Variants in MBLAC2 observed in about 807,000 individuals in gnomAD.
The protein encoded by MBLAC2 is metallo-beta-lactamase domain containing 2, also known as acyl-coenzyme A thioesterase MBLAC2.
Under a neutral mutation model 23.3 loss-of-function variants are expected in MBLAC2, and 24 were observed. The observed-to-expected ratio is 1.03, with a 90% CI of 0.75 to 1.45. The LOEUF (loss-of-function observed/expected upper bound fraction) is 1.45, where lower values mean the gene tolerates loss of function less well. MBLAC2 is among the 40% of genes most tolerant of loss of function. The pLI is 0.00. For synonymous variants in MBLAC2, 162 were observed against 150.9 expected, an observed-to-expected ratio of 1.07 and a Z score of -0.54; for missense variants, 358 against 370.0, an observed-to-expected ratio of 0.97 and a Z score of 0.27.
At chr5:90,473,430 T>C (rs1180802798) in intron 1 of MBLAC2, 3 of 519,658 alleles carry the variant, frequency 5.8e-6, no homozygotes, top group Non-Finnish European at 1.0e-5. Flanking sequence ...TGACATGCAC[T>C]CTCCGTGAGG....
intron 1 of MBLAC2, among the ~76,000 whole-genome samples, chr5:90,470,754 GCGCACACACA>G (rs1053347025): frequency 5.3e-5 from 6 of 112,528 alleles, no homozygotes; most frequent in East Asian, 3.4e-4. Context: ...ACTAGCGCGC[GCGCACACACA>G]CACACACACA....
chr5:90,462,896 T>C (rs1750388086), intron 1 of MBLAC2, among the ~76,000 whole-genome samples: 2 of 152,336 alleles, frequency 1.3e-5, no homozygotes, highest in South Asian at 2.1e-4. Flanking sequence ...TAAAACACTT[T>C]ACTCCAAAAC....
At position 90,474,448 on chromosome 5, in the gene MBLAC2, TAGG is replaced by T. The variant is rs1476262796; in HGVS notation, c.-159_-157del. On this transcript the variant is annotated 5_prime_UTR_variant, in exon 1 of 2. Coordinates refer to ENST00000316610, the MANE Select transcript of MBLAC2 (RefSeq NM_203406.2). ...GGGGCGTGGGATGCGGGGGTCGGAA[TAGG>T]AGGAGGAAGGACGCAGACCGACGCT... 4.4e-6 allele frequency: 3 copies of T among 678,826 alleles called. No individual in the cohort carries two copies. Among genetic ancestry groups the T allele is most frequent in the Admixed American group, 2.8e-5 (1 of 35,308 alleles). 42.1% of individuals were successfully genotyped at this position (678,826 alleles called of 1,614,324 possible). A position where few individuals can be genotyped will look rare whatever the true frequency, so the allele number is the denominator to read the frequency against.
chr5:90,474,586 G>T lies in MBLAC2; in HGVS notation c.-294C>A. On this transcript the variant is annotated 5_prime_UTR_variant, in exon 1 of 2. Coordinates refer to ENST00000316610, the MANE Select transcript of MBLAC2 (RefSeq NM_203406.2). Reference sequence around the variant, plus strand: ...CGCAGCCTCGGCAGCCGCACCACGAGAGAGCTTTAACGCAGGGGCCACTGC... The same window carrying T: ...CGCAGCCTCGGCAGCCGCACCACGATAGAGCTTTAACGCAGGGGCCACTGC... 1 of 448,968 alleles carries T rather than the reference G, an allele frequency of 2.2e-6. No individual in the cohort carries two copies. Among genetic ancestry groups the T allele is most frequent in the Non-Finnish European group, 4.0e-6 (1 of 248,206 alleles). The allele number at this position is 448,968 out of a possible 1,614,324, so 27.8% of individuals were successfully genotyped here. A position where few individuals can be genotyped will look rare whatever the true frequency, so the allele number is the denominator to read the frequency against.
rs1750641727 is a variant in MBLAC2, at chr5:90,474,087, T to C, written c.206A>G (p.Lys69Arg). ...CAGTGGCCGGCGCGCCGCGTCCTCT[T>C]TGGCCTCTCGGTCCTGCAAGAGGCC... ...SSGLLQDREAKEDAARRPLLA... is the reference protein window; with the variant it reads ...SSGLLQDREAREDAARRPLLA... The change falls in exon 1 of 2, where the codon AAA (lysine) becomes AGA (arginine). Residue 69 changes from lysine (K) to arginine (R), a missense_variant. Transcript: ENST00000316610. The C allele has an allele frequency of 6.3e-7, 1 of 1,575,174 alleles. No individual in the cohort carries two copies. Among genetic ancestry groups the C allele is most frequent in the Non-Finnish European group, 8.6e-7 (1 of 1,160,492 alleles).
At chr5:90,471,624 T>C (rs1227726367) in intron 1 of MBLAC2, 1 of 152,170 alleles carries the variant, frequency 6.6e-6, no homozygotes, top group Non-Finnish European at 1.5e-5. Context: ...ATCAATTCAT[T>C]AAAGGAAATG....
Position 90,459,653 on chromosome 5 carries a change from T to C in MBLAC2, c.*1514A>G, listed in dbSNP as rs1750327553. The C allele has an allele frequency of 6.6e-6, 1 of 152,158 alleles. No individual in the cohort carries two copies. Among genetic ancestry groups the C allele is most frequent in the Non-Finnish European group, 1.5e-5 (1 of 67,986 alleles). 9.4% of individuals were successfully genotyped at this position (152,158 alleles called of 1,614,324 possible). A position where few individuals can be genotyped will look rare whatever the true frequency, so the allele number is the denominator to read the frequency against. ...TAACTTGCATACACTATTATTTATA[T>C]TTTGTGTGCTTTCGACTTTTAGTTA... On this transcript the variant is annotated 3_prime_UTR_variant, in exon 2 of 2. Coordinates refer to ENST00000316610, the MANE Select transcript of MBLAC2 (RefSeq NM_203406.2).
In MBLAC2 at chr5:90,469,713, A is replaced by G. The variant is rs1189936654; in HGVS notation, c.454+4126T>C. 2.6e-5 allele frequency among the ~76,000 whole-genome samples: 4 copies of G among 152,180 alleles called. No individual in the cohort carries two copies. In the East Asian group the frequency reaches 7.7e-4, roughly 29 times the overall value. On this transcript the variant is annotated intron_variant, in intron 1 of 1. Transcript: ENST00000316610. ...GGCATGAGTAAAAATGGCTATTGTC[A>G]AAAAGACAGAAAATAACAGATGCTG...
In MBLAC2 at chr5:90,458,530, G is replaced by A. The variant is rs994658974; in HGVS notation, c.*2637C>T. 6.6e-6 allele frequency: 1 copy of A among 152,134 alleles called. No individual in the cohort carries two copies. The highest frequency in any genetic ancestry group is 1.5e-5 in the Non-Finnish European group (1 of 68,012). The allele number at this position is 152,134 out of a possible 1,614,324, so 9.4% of individuals were successfully genotyped here. ...TCCAAAAATCATTTAAGTTACAAGGGTCACTGTCAGGGTGAAAATATATTT... is the reference window on the plus strand; with the variant it reads ...TCCAAAAATCATTTAAGTTACAAGGATCACTGTCAGGGTGAAAATATATTT... On this transcript the variant is annotated 3_prime_UTR_variant, in exon 2 of 2. Coordinates refer to ENST00000316610, the MANE Select transcript of MBLAC2 (RefSeq NM_203406.2).
At chr5:90,465,338 G>A (rs574707904) in intron 1 of MBLAC2, among the ~76,000 whole-genome samples, 13 of 152,270 alleles carry the variant, frequency 8.5e-5, no homozygotes, top group African/African-American at 2.9e-4. Context: ...ACACTGTCAA[G>A]AGAAATTAAA....
At chr5:90,462,082 T>C (rs934647225) in intron 1 of MBLAC2, among the ~76,000 whole-genome samples, 2 of 152,196 alleles carry the variant, frequency 1.3e-5, no homozygotes, top group African/African-American at 4.8e-5. Context: ...CCTGTCAGAA[T>C]TAGGGCTTGA....
chr5:90,461,640 G>T, intron 1 of MBLAC2, 88 bp from the exon 2 acceptor site: 1 of 1,228,568 alleles, frequency 8.1e-7, no homozygotes, highest in Non-Finnish European at 1.1e-6. Context: ...TGCTTCCAAA[G>T]AAATTGGGAA....
intron 1 of MBLAC2, among the ~76,000 whole-genome samples, chr5:90,461,977 T>G (rs1359057951): frequency 1.3e-5 from 2 of 152,372 alleles, no homozygotes; most frequent in East Asian, 3.9e-4. Flanking sequence ...CATGAAACTT[T>G]TACTTTTCAG....
chr5:90,467,472 A>C (rs1334661109), intron 1 of MBLAC2, among the ~76,000 whole-genome samples: 2 of 151,984 alleles, frequency 1.3e-5, no homozygotes, highest in African/African-American at 2.4e-5. Flanking sequence ...GTTGCTTTAC[A>C]TTTTGTTTTG....
chr5:90,468,450 G>A (rs915941383), intron 1 of MBLAC2, among the ~76,000 whole-genome samples: 1 of 151,798 alleles, frequency 6.6e-6, no homozygotes, highest in Non-Finnish European at 1.5e-5. Context: ...ATGTCTTTGA[G>A]CTCTGAGGTT....
Position 90,460,461 on chromosome 5 carries a change from T to C in MBLAC2, c.*706A>G, listed in dbSNP as rs1168169130. On this transcript the variant is annotated 3_prime_UTR_variant, in exon 2 of 2. Transcript: ENST00000316610. ...GTAGTTAGATAACAGACATTTGCAT[T>C]TCACTTTCATAATTGAAAATATTAC... The C allele has an allele frequency of 6.6e-6, 1 of 152,608 alleles. No individual in the cohort carries two copies. The highest frequency in any genetic ancestry group is 1.5e-5 in the Non-Finnish European group (1 of 67,990). The allele number at this position is 152,608 out of a possible 1,614,324, so 9.5% of individuals were successfully genotyped here.
chr5:90,464,313 C>T (rs1442154658), intron 1 of MBLAC2, among the ~76,000 whole-genome samples: 1 of 152,138 alleles, frequency 6.6e-6, no homozygotes, highest in African/African-American at 2.4e-5. Context: ...GTAGCTCACT[C>T]CTGTAATCCC....
At position 90,474,555 on chromosome 5, in the gene MBLAC2, A is replaced by G; in HGVS notation, c.-263T>C. 2.0e-6 allele frequency: 1 copy of G among 503,168 alleles called. No homozygotes were observed. The highest frequency in any genetic ancestry group is 3.5e-6 in the Non-Finnish European group (1 of 282,448). The allele number at this position is 503,168 out of a possible 1,614,324, so 31.2% of individuals were successfully genotyped here. A position where few individuals can be genotyped will look rare whatever the true frequency, so the allele number is the denominator to read the frequency against. ...TGCGCCACCAGCACGGGGGCGCAGG[A>G]GCTACCGCAGCCTCGGCAGCCGCAC... On this transcript the variant is annotated 5_prime_UTR_variant, in exon 1 of 2. Transcript: ENST00000316610.
rs1233365965 is a variant in MBLAC2, at chr5:90,473,988, T to TGGTGCAC, written c.298_304dup (p.His102ArgfsTer16). Reference sequence around the variant, plus strand: ...GCGAGCCAGCGCCTCGGCCTCGGCGTGGTGCACTGCCACGCGGTCGAACTG... The same window carrying TGGTGCAC: ...GCGAGCCAGCGCCTCGGCCTCGGCGTGGTGCACGGTGCACTGCCACGCGGTCGAACTG... On this transcript the variant is annotated frameshift_variant, in exon 1 of 2. Coordinates refer to ENST00000316610, the MANE Select transcript of MBLAC2 (RefSeq NM_203406.2). LOFTEE classifies it high-confidence loss of function. The TGGTGCAC allele has an allele frequency of 6.3e-7, 1 of 1,575,752 alleles. No individual in the cohort carries two copies. Among genetic ancestry groups the TGGTGCAC allele is most frequent in the Non-Finnish European group, 8.6e-7 (1 of 1,160,396 alleles).
Sources: allele counts gnomAD v4.1 joint callset (sites outside exome capture counted in the v4.1 genomes callset), GRCh38; gene constraint gnomAD v4.1.1; transcripts MANE v1.5; gene names NCBI Gene and HGNC (gene_info 2026-07-23, HGNC 2026-07-21).